Variants in ANKRD17 observed in about 807,000 individuals in gnomAD.
ANKRD17 encodes ankyrin repeat domain 17.
In ANKRD17, 19 loss-of-function variants were observed where a neutral mutation model predicts 229.7. That is an observed-to-expected ratio of 0.08 (90% CI 0.06 to 0.12). The LOEUF (loss-of-function observed/expected upper bound fraction) is 0.12, where lower values mean the gene tolerates loss of function less well. Among genes scored for constraint, ANKRD17 ranks in the 10% least tolerant of loss-of-function variants. The probability of loss-of-function intolerance (pLI) is 1.00; values close to 1 mark genes in which losing one functional copy is unlikely to be tolerated. For synonymous variants in ANKRD17, 1,112 were observed against 1,146.1 expected (o/e 0.97, Z 0.60); for missense variants, 2,176 against 3,176.8 (o/e 0.68, Z 7.57).
chr4:73,131,866 T>C (rs1044287013), intron 16 of ANKRD17, among the ~76,000 whole-genome samples: 6 of 152,214 alleles, frequency 3.9e-5, no homozygotes, highest in African/African-American at 1.4e-4. Context: ...CATAAACAGA[T>C]GAAAGATCTA....
At chr4:73,181,874 C>G (rs1258718748) in intron 1 of ANKRD17, among the ~76,000 whole-genome samples, 3 of 150,896 alleles carry the variant, frequency 2.0e-5, no homozygotes, top group Non-Finnish European at 4.4e-5. Context: ...ATGGTGAAAC[C>G]CTGTCTCTAC....
In ANKRD17 at chr4:73,074,091, A is replaced by G. The variant is rs1280633702; in HGVS notation, c.*2140T>C. Reference sequence around the variant, plus strand: ...ACTTCTAAAACCATGGTATTGTACTAAACAAGCCTGATCCCCAAGACTAAA... The same window carrying G: ...ACTTCTAAAACCATGGTATTGTACTGAACAAGCCTGATCCCCAAGACTAAA... On this transcript the variant is annotated 3_prime_UTR_variant, in exon 34 of 34. Coordinates refer to ENST00000358602, the MANE Select transcript of ANKRD17 (RefSeq NM_032217.5). The G allele has an allele frequency of 1.3e-5, 2 of 152,032 alleles. No individual in the cohort carries two copies. The highest frequency in any genetic ancestry group is 4.8e-5 in the African/African-American group (2 of 41,440). The allele number at this position is 152,032 out of a possible 1,614,324, so 9.4% of individuals were successfully genotyped here. A position where few individuals can be genotyped will look rare whatever the true frequency, so the allele number is the denominator to read the frequency against.
In ANKRD17 at chr4:73,125,185, C is replaced by T. The variant is rs749502437; in HGVS notation, c.3346+16G>A. 2.5e-6 allele frequency: 4 copies of T among 1,592,194 alleles called. No individual in the cohort carries two copies. Among genetic ancestry groups the T allele is most frequent in the Non-Finnish European group, 3.4e-6 (4 of 1,172,574 alleles). On this transcript the variant is annotated intron_variant, in intron 17 of 33. Transcript: ENST00000358602. The stretch of plus-strand genomic sequence containing the variant: ...TTGACCAGTATTCCAAAAAATAAAA[C>T]AAAAGTAGGCCCTACCTTTCTTGTC...
intron 1 of ANKRD17, among the ~76,000 whole-genome samples, chr4:73,192,056 C>T (rs914668852): frequency 2.0e-5 from 3 of 152,010 alleles, no homozygotes; most frequent in Non-Finnish European, 4.4e-5. Context: ...AAGGCCTAAA[C>T]CACAACTATC....
chr4:73,100,816 A>G (rs1723885252), intron 25 of ANKRD17: 3 of 981,676 alleles, frequency 3.1e-6, no homozygotes, highest in East Asian at 1.1e-4. Context: ...TGGAGAAGGG[A>G]AATTAAAAAC....
At chr4:73,103,420 A>G (rs748217009) in intron 24 of ANKRD17, among the ~76,000 whole-genome samples, 4 of 152,196 alleles carry the variant, frequency 2.6e-5, no homozygotes, top group Non-Finnish European at 2.9e-5. Context: ...CAGTGTTTCT[A>G]TTTGTTAAAA....
At chr4:73,171,176 G>GGGGAGAGAGGGAGAGA (rs1553928540) in intron 2 of ANKRD17, among the ~76,000 whole-genome samples, 20 of 63,950 alleles carry the variant, frequency 3.1e-4, no homozygotes, top group African/African-American at 1.2e-3. Flanking sequence ...GGCTCAGAGG[G>GGGGAGAGAGGGAGAGA]GGGAGAGAGA....
At chr4:73,180,452 T>C (rs990639398) in intron 1 of ANKRD17, among the ~76,000 whole-genome samples, 1 of 152,172 alleles carries the variant, frequency 6.6e-6, no homozygotes, top group Non-Finnish European at 1.5e-5. Context: ...ACTAGCCTGG[T>C]GAAAACTTAC....
At chr4:73,148,194 G>A (rs1387727417) in intron 8 of ANKRD17, among the ~76,000 whole-genome samples, 1 of 152,050 alleles carries the variant, frequency 6.6e-6, no homozygotes, top group Non-Finnish European at 1.5e-5. Flanking sequence ...TTTTTTAAAA[G>A]TGTCATTCCT....
intron 1 of ANKRD17, among the ~76,000 whole-genome samples, chr4:73,242,511 G>A (rs773264102): frequency 8.5e-5 from 13 of 152,068 alleles, no homozygotes; most frequent in Non-Finnish European, 1.9e-4. Context: ...GGAATATTCA[G>A]TATTATACAT....
chr4:73,166,759 G>GGA (rs1553927331), intron 2 of ANKRD17, among the ~76,000 whole-genome samples: 4 of 128,414 alleles, frequency 3.1e-5, no homozygotes, highest in African/African-American at 1.1e-4. Context: ...CAAATAAATA[G>GGA]AAAAAAAAAA....
intron 2 of ANKRD17, among the ~76,000 whole-genome samples, chr4:73,176,604 C>CA (rs1009584124): frequency 3.7e-4 from 52 of 140,718 alleles, no homozygotes; most frequent in Admixed American, 1.6e-3. Flanking sequence ...TAATGAGTAT[C>CA]AAAAAAAAAA....
intron 1 of ANKRD17, among the ~76,000 whole-genome samples, chr4:73,249,129 C>T (rs917309702): frequency 7.2e-5 from 11 of 152,148 alleles, no homozygotes; most frequent in African/African-American, 2.7e-4. Context: ...ACTAATGGAA[C>T]CAACCTTTCC....
intron 1 of ANKRD17, among the ~76,000 whole-genome samples, chr4:73,256,960 A>T (rs1244430517): frequency 6.6e-6 from 1 of 152,264 alleles, no homozygotes. Context: ...ACAAATAGAC[A>T]TGTGTCAAAT....
chr4:73,115,854 T>C lies in ANKRD17; in HGVS notation c.4251A>G (p.Glu1417=). 6.2e-6 allele frequency: 10 copies of C among 1,613,532 alleles called. No individual in the cohort carries two copies. Among genetic ancestry groups the C allele is most frequent in the Non-Finnish European group, 8.5e-6 (10 of 1,179,932 alleles). The change falls in exon 23 of 34, where the codon GAA becomes GAG. Residue 1417 remains glutamate, a synonymous_variant. Transcript: ENST00000358602. The part of the protein sequence containing the change: ...KEVNQFPSDS[E]CMRYIATITD... ...TGATGGTTGCTATGTATCTCATACA[T>C]TCAGAATCTGATGGAAACTGATTGA...
At chr4:73,217,049 TCA>T (rs1741160638) in intron 1 of ANKRD17, among the ~76,000 whole-genome samples, 1 of 152,186 alleles carries the variant, frequency 6.6e-6, no homozygotes, top group African/African-American at 2.4e-5. Flanking sequence ...CAAAGGCCTC[TCA>T]CAATTCAGAA....
At chr4:73,197,837 G>A (rs1370393134) in intron 1 of ANKRD17, among the ~76,000 whole-genome samples, 2 of 152,032 alleles carry the variant, frequency 1.3e-5, no homozygotes, top group African/African-American at 2.4e-5. Flanking sequence ...AAACGAAAAC[G>A]TACTTTCAAG....
Position 73,085,344 on chromosome 4 carries a change from C to T in ANKRD17, c.7064G>A (p.Gly2355Glu). The T allele has an allele frequency of 1.2e-6, 2 of 1,613,996 alleles. No individual in the cohort carries two copies. Among genetic ancestry groups the T allele is most frequent in the Non-Finnish European group, 1.7e-6 (2 of 1,179,996 alleles). ...TGCGGGTGCTCCTCCAAGGGGTGCC[C>T]CAGGTCCGTACATCTGACCTCCTGA... ...NISGGQMYGP[G>E]APLGGAPAAA... The change falls in exon 30 of 34, where the codon GGG (glycine) becomes GAG (glutamate). Residue 2355 changes from glycine (G) to glutamate (E), a missense_variant. Around this residue, in one of 18 missense-constraint regions of ANKRD17, gnomAD observed 87 missense variants for 116.0 expected, o/e 0.75. Coordinates refer to ENST00000358602, the MANE Select transcript of ANKRD17 (RefSeq NM_032217.5).
intron 30 of ANKRD17, 42 bp from the exon 31 acceptor site, chr4:73,078,932 A>G (rs1282149270): frequency 6.5e-7 from 1 of 1,545,420 alleles, no homozygotes; most frequent in Non-Finnish European, 8.7e-7. Flanking sequence ...GGTCATCTAT[A>G]GAACATGTAA....
Sources: gnomAD v4.1 joint callset for allele counts (sites outside exome capture counted in the v4.1 genomes callset) on GRCh38, gnomAD v4.1.1 for gene constraint, gnomAD v4.1.1 regional missense constraint, MANE v1.5 for transcripts, NCBI Gene and HGNC (gene_info 2026-07-23, HGNC 2026-07-21) for gene names.